CCDC7: variants seen among roughly 807,000 people sequenced by gnomAD.
CCDC7 encodes coiled-coil domain containing 7.
A neutral mutation model predicts 196.9 loss-of-function variants in CCDC7; 183 were observed. That is an observed-to-expected ratio of 0.93 (90% CI 0.82 to 1.05). The LOEUF (loss-of-function observed/expected upper bound fraction) is 1.05. CCDC7 is among the 50% of genes least tolerant of loss of function. CCDC7 has a pLI of 0.00. For synonymous variants in CCDC7, 525 were observed against 484.6 expected (o/e 1.08, Z -1.10); for missense variants, 1,540 against 1,482.2 (o/e 1.04, Z -0.64).
chr10:32,451,948 G>T (rs1228067971), intron 1 of CCDC7, 27 bp downstream of exon 2: 4 of 1,589,912 alleles, frequency 2.5e-6, no homozygotes, highest in Admixed American at 1.7e-5. Context: ...TTTCTGTGTT[G>T]CAGGGCCCCC....
At chr10:32,821,200 C>T (rs2090117608) in intron 31 of CCDC7, among the ~76,000 whole-genome samples, 1 of 152,190 alleles carries the variant, frequency 6.6e-6, no homozygotes, top group South Asian at 2.1e-4. Flanking sequence ...AGCCAACGGA[C>T]ACATGAAAAA....
intron 11 of CCDC7, among the ~76,000 whole-genome samples, chr10:32,519,182 T>C (rs1187070115): frequency 6.6e-6 from 1 of 152,182 alleles, no homozygotes; most frequent in African/African-American, 2.4e-5. Flanking sequence ...AGGGCTGTCA[T>C]ATATGTTCAG....
intron 32 of CCDC7, among the ~76,000 whole-genome samples, chr10:32,833,058 A>G (rs977902416): frequency 2.0e-5 from 3 of 152,142 alleles, no homozygotes; most frequent in African/African-American, 7.2e-5. Flanking sequence ...AACATTATAA[A>G]TATGTACTTG....
chr10:32,807,235 C>T (rs1166218426), intron 30 of CCDC7, among the ~76,000 whole-genome samples: 1 of 152,128 alleles, frequency 6.6e-6, no homozygotes, highest in African/African-American at 2.4e-5. Flanking sequence ...TACTTCACTT[C>T]TTTCTACTCT....
chr10:32,624,855 G>T (rs2063797622), intron 18 of CCDC7, among the ~76,000 whole-genome samples: 1 of 151,462 alleles, frequency 6.6e-6, no homozygotes, highest in African/African-American at 2.4e-5. Flanking sequence ...GGATTATTTG[G>T]GTTTTAGTGT....
chr10:32,647,752 G>A (rs1171401018), intron 20 of CCDC7, among the ~76,000 whole-genome samples: 1 of 152,148 alleles, frequency 6.6e-6, no homozygotes, highest in Non-Finnish European at 1.5e-5. Context: ...CATAGTTCAT[G>A]AATACTTTCT....
At chr10:32,484,398 T>C (rs1437148026) in intron 8 of CCDC7, among the ~76,000 whole-genome samples, 6 of 152,230 alleles carry the variant, frequency 3.9e-5, no homozygotes, top group Non-Finnish European at 8.8e-5. Context: ...GATTTTGGGC[T>C]GAGACGATGG....
chr10:32,678,966 TCTTA>T (rs1296707320), intron 21 of CCDC7, among the ~76,000 whole-genome samples: 1 of 152,168 alleles, frequency 6.6e-6, no homozygotes, highest in Non-Finnish European at 1.5e-5. Context: ...TATTCCATGA[TCTTA>T]CTTACATCAA....
intron 8 of CCDC7, among the ~76,000 whole-genome samples, chr10:32,491,270 G>A (rs1420657308): frequency 6.6e-6 from 1 of 152,096 alleles, no homozygotes; most frequent in Non-Finnish European, 1.5e-5. Flanking sequence ...TTTGTGTCAT[G>A]TCTTGTTTAT....
chr10:32,779,081 G>T, exon 29 of CCDC7: 2 of 1,539,124 alleles, frequency 1.3e-6, no homozygotes, highest in Non-Finnish European at 1.8e-6. Context: ...AAACAAAGTG[G>T]TCGGTAAGTA....
chr10:32,710,732 G>A (rs2080683651), intron 24 of CCDC7, among the ~76,000 whole-genome samples: 1 of 152,086 alleles, frequency 6.6e-6, no homozygotes, highest in Admixed American at 6.5e-5. Context: ...AAATGCCCTG[G>A]GGATCTGCAT....
At chr10:32,696,061 G>A (rs1480524816) in intron 24 of CCDC7, among the ~76,000 whole-genome samples, 1 of 151,886 alleles carries the variant, frequency 6.6e-6, no homozygotes, top group African/African-American at 2.4e-5. Context: ...CTAGCTTCTG[G>A]TAGTCTGGTG....
intron 41 of CCDC7, among the ~76,000 whole-genome samples, chr10:32,871,742 C>G (rs1443905784): frequency 6.6e-6 from 1 of 151,712 alleles, no homozygotes; most frequent in Admixed American, 6.6e-5. Context: ...GCATTTAGTG[C>G]TATAAATTTC....
intron 18 of CCDC7, among the ~76,000 whole-genome samples, chr10:32,590,508 G>C (rs2059685724): frequency 6.6e-6 from 1 of 151,954 alleles, no homozygotes; most frequent in South Asian, 2.1e-4. Context: ...TTCTACTTAA[G>C]AGTATTTTAC....
intron 20 of CCDC7, among the ~76,000 whole-genome samples, chr10:32,659,294 G>A (rs1287103595): frequency 6.6e-6 from 1 of 151,936 alleles, no homozygotes; most frequent in African/African-American, 2.4e-5. Context: ...TGACTCATTG[G>A]TTATCCAGGA....
chr10:32,584,593 T>TA (rs1484641919), intron 18 of CCDC7, among the ~76,000 whole-genome samples: 1 of 151,334 alleles, frequency 6.6e-6, no homozygotes, highest in East Asian at 1.9e-4. Context: ...CTGTCTCTAT[T>TA]AAAAATACAA....
At chr10:32,521,617 A>G (rs2047896447) in intron 11 of CCDC7, among the ~76,000 whole-genome samples, 1 of 151,646 alleles carries the variant, frequency 6.6e-6, no homozygotes, top group Admixed American at 6.6e-5. Context: ...ATTTTTCCAA[A>G]TATAAGATCA....
At chr10:32,825,960 C>T (rs1481729139) in intron 32 of CCDC7, among the ~76,000 whole-genome samples, 1 of 152,130 alleles carries the variant, frequency 6.6e-6, no homozygotes, top group Non-Finnish European at 1.5e-5. Flanking sequence ...ATCTTTTTTA[C>T]CAGAAGAAAC....
In CCDC7 at chr10:32,829,321, C is replaced by A. The variant is rs191678501; in HGVS notation, c.3268+4717C>A. Among the ~76,000 whole-genome samples, 298 of 152,252 alleles carry A rather than the reference C, an allele frequency of 2.0e-3. 1 individual carries two copies. The highest frequency in any genetic ancestry group is 6.8e-3 in the Middle Eastern group (2 of 294). On this transcript the variant is annotated intron_variant, in intron 32 of 41. Coordinates refer to ENST00000639629, the Ensembl canonical transcript of CCDC7. The stretch of plus-strand genomic sequence containing the variant: ...CTGAAGGCAAAGGGAATACAGAATG[C>A]ATAAGTAGAAGAAGGCAGTCACCAA...
Sources: gnomAD v4.1 joint callset for allele counts (sites outside exome capture counted in the v4.1 genomes callset) on GRCh38, gnomAD v4.1.1 for gene constraint, MANE v1.5 for transcripts, NCBI Gene and HGNC (gene_info 2026-07-23, HGNC 2026-07-21) for gene names.